TMEM38B: variants seen among roughly 807,000 people sequenced by gnomAD.
TMEM38B encodes transmembrane protein 38B.
A neutral mutation model predicts 28.7 loss-of-function variants in TMEM38B; 24 were observed. That is an observed-to-expected ratio of 0.84 (90% CI 0.61 to 1.18). The LOEUF (loss-of-function observed/expected upper bound fraction) is 1.18. TMEM38B is among the 50% of genes most tolerant of loss of function. TMEM38B has a pLI of 0.00. For missense variants in TMEM38B, 380 were observed against 350.9 expected (o/e 1.08, Z -0.66); for synonymous variants, 131 against 127.7 (o/e 1.03, Z -0.17).
Position 105,738,257 on chromosome 9 carries a change from C to T in TMEM38B, c.543-9816C>T, listed in dbSNP as rs546111064. ...CAGTGGTGAAGACTGTGGGTGTTCA[C>T]GGTGGTGGTGAGGGTTGTTGGGGTT... On this transcript the variant is annotated intron_variant, in intron 4 of 5. Transcript: ENST00000374692. 9.9e-5 allele frequency among the ~76,000 whole-genome samples: 15 copies of T among 151,954 alleles called. No individual in the cohort carries two copies. In the East Asian group the frequency reaches 1.2e-3, roughly 12 times the overall value.
chr9:105,744,742 C>G (rs1243124089), intron 4 of TMEM38B, among the ~76,000 whole-genome samples: 1 of 152,066 alleles, frequency 6.6e-6, no homozygotes, highest in Admixed American at 6.5e-5. Flanking sequence ...CCCATTTCCC[C>G]CACCCCATGA....
At position 105,694,693 on chromosome 9, in the gene TMEM38B, CT is replaced by C. The variant is rs752997388; in HGVS notation, c.35del (p.Phe12SerfsTer16). On this transcript the variant is annotated frameshift_variant, in exon 1 of 6. Transcript: ENST00000374692. LOFTEE classifies it high-confidence loss of function. ...CTCCATGGGACGAGTTGGCTCTGGCCTTCTCCCGCACGTCCATGTTTCCCTT... is the reference window on the plus strand; with the variant it reads ...CTCCATGGGACGAGTTGGCTCTGGCCTCTCCCGCACGTCCATGTTTCCCTT... ...DSPWDELALA[F>X]SRTSMFPFFD... The C allele has an allele frequency of 2.3e-5, 37 of 1,613,910 alleles. No individual in the cohort carries two copies. Among genetic ancestry groups the C allele is most frequent in the Non-Finnish European group, 3.1e-5 (36 of 1,179,914 alleles).
intron 1 of TMEM38B, chr9:105,702,714 C>T (rs1028945410): frequency 1.4e-4 from 22 of 152,034 alleles, no homozygotes; most frequent in African/African-American, 4.3e-4. Context: ...CAGGGTCTCA[C>T]TGTGTTGTCT....
At chr9:105,732,462 A>G (rs908955304) in intron 4 of TMEM38B, among the ~76,000 whole-genome samples, 1 of 152,152 alleles carries the variant, frequency 6.6e-6, no homozygotes, top group Non-Finnish European at 1.5e-5. Context: ...TCAGTCTTTA[A>G]TCCATCTTGA....
intron 2 of TMEM38B, among the ~76,000 whole-genome samples, chr9:105,708,936 G>A (rs987079679): frequency 2.0e-5 from 3 of 147,904 alleles, no homozygotes; most frequent in African/African-American, 7.5e-5. Flanking sequence ...CCTGGCTAAT[G>A]TTTAAAATTT....
At position 105,757,153 on chromosome 9, in the gene TMEM38B, T is replaced by C. The variant is rs556577303; in HGVS notation, c.660+8963T>C. Among the ~76,000 whole-genome samples the C allele has an allele frequency of 1.4e-3, 218 of 152,286 alleles. 2 individuals carry two copies. Among genetic ancestry groups the C allele is most frequent in the South Asian group, 2.7e-3 (13 of 4,828 alleles). On this transcript the variant is annotated intron_variant, in intron 5 of 5. Coordinates refer to ENST00000374692, the MANE Select transcript of TMEM38B (RefSeq NM_018112.3). Reference sequence around the variant, plus strand: ...GCTCCCACTTATAGAGAACATATGATATTTGGCTTTTCATTTCTGAGTTAC... The same window carrying C: ...GCTCCCACTTATAGAGAACATATGACATTTGGCTTTTCATTTCTGAGTTAC...
chr9:105,708,134 C>T (rs1313039638), intron 2 of TMEM38B, among the ~76,000 whole-genome samples: 1 of 151,966 alleles, frequency 6.6e-6, no homozygotes, highest in East Asian at 1.9e-4. Context: ...ATGGAGCAGA[C>T]AAAATTATTA....
At chr9:105,709,759 A>G (rs1198943851) in intron 2 of TMEM38B, among the ~76,000 whole-genome samples, 1 of 152,266 alleles carries the variant, frequency 6.6e-6, no homozygotes, top group Non-Finnish European at 1.5e-5. Context: ...ATAAACGCAG[A>G]TGCCAACAAA....
At chr9:105,746,194 T>G (rs536613722) in intron 4 of TMEM38B, among the ~76,000 whole-genome samples, 47 of 151,886 alleles carry the variant, frequency 3.1e-4, no homozygotes, top group African/African-American at 1.1e-3. Flanking sequence ...TTCACGATAT[T>G]GATTCTTCCT....
intron 4 of TMEM38B, among the ~76,000 whole-genome samples, chr9:105,725,630 C>T (rs965174581): frequency 8.5e-5 from 13 of 152,186 alleles, no homozygotes; most frequent in South Asian, 2.1e-4. Context: ...CAAACCTTTA[C>T]AGCATGTTAC....
chr9:105,759,276 A>T (rs1837949042), intron 5 of TMEM38B: 1 of 739,956 alleles, frequency 1.4e-6, no homozygotes, highest in African/African-American at 1.7e-5. Context: ...ATCCAGTGGG[A>T]TACATAGAAT....
chr9:105,754,731 A>G (rs1837773894), intron 5 of TMEM38B, among the ~76,000 whole-genome samples: 1 of 152,204 alleles, frequency 6.6e-6, no homozygotes, highest in Admixed American at 6.5e-5. Flanking sequence ...GAGAACCAAG[A>G]GGAAACCCCA....
At chr9:105,769,089 C>T (rs1008218407) in intron 5 of TMEM38B, among the ~76,000 whole-genome samples, 3 of 152,120 alleles carry the variant, frequency 2.0e-5, no homozygotes, top group East Asian at 3.9e-4. Context: ...TATCAGAGGG[C>T]TGGTATGCCT....
intron 4 of TMEM38B, among the ~76,000 whole-genome samples, chr9:105,747,269 A>C (rs574731612): frequency 5.9e-5 from 9 of 152,326 alleles, no homozygotes; most frequent in African/African-American, 2.2e-4. Flanking sequence ...TTATTGGTCT[A>C]TTCAGAGATT....
At chr9:105,769,109 C>T (rs1474300066) in intron 5 of TMEM38B, among the ~76,000 whole-genome samples, 1 of 152,100 alleles carries the variant, frequency 6.6e-6, no homozygotes, top group Non-Finnish European at 1.5e-5. Context: ...TGATATATAA[C>T]AACCTCTTAA....
At chr9:105,700,960 A>G (rs1355679053) in intron 1 of TMEM38B, 1 of 151,972 alleles carries the variant, frequency 6.6e-6, no homozygotes, top group Non-Finnish European at 1.5e-5. Flanking sequence ...ACGGGTTCAC[A>G]TGGCCTGTGG....
intron 1 of TMEM38B, among the ~76,000 whole-genome samples, chr9:105,698,207 C>T (rs934608164): frequency 5.9e-5 from 9 of 151,802 alleles, no homozygotes; most frequent in Non-Finnish European, 1.2e-4. Context: ...GCCAAGAACC[C>T]GGGTTCCATT....
chr9:105,769,179 C>A (rs535290125), intron 5 of TMEM38B, among the ~76,000 whole-genome samples: 10 of 151,880 alleles, frequency 6.6e-5, no homozygotes, highest in Admixed American at 4.6e-4. Context: ...TATCAACAGA[C>A]AATTCACACA....
intron 5 of TMEM38B, among the ~76,000 whole-genome samples, 187 bp from the exon 6 acceptor site, chr9:105,773,678 T>C (rs937436694): frequency 2.0e-5 from 3 of 152,200 alleles, no homozygotes; most frequent in Admixed American, 2.0e-4. Context: ...TTATTTTTAA[T>C]GAGTTGTGTT....
Sources: gnomAD v4.1 joint callset for allele counts (sites outside exome capture counted in the v4.1 genomes callset) on GRCh38, gnomAD v4.1.1 for gene constraint, MANE v1.5 for transcripts, NCBI Gene and HGNC (gene_info 2026-07-23, HGNC 2026-07-21) for gene names.